HMCN1: variants seen among roughly 807,000 people sequenced by gnomAD.
HMCN1 encodes hemicentin 1, also known as hemicentin-1.
Under a neutral mutation model 625.9 loss-of-function variants are expected in HMCN1, and 321 were observed. That is an observed-to-expected ratio of 0.51 (90% CI 0.47 to 0.56). HMCN1 has a LOEUF of 0.56. Among genes scored for constraint, HMCN1 ranks in the 20% least tolerant of loss-of-function variants. The pLI, the probability that HMCN1 is intolerant of heterozygous loss-of-function variation, is 0.00. For missense variants in HMCN1, 6,588 were observed against 6,887.3 expected, an observed-to-expected ratio of 0.96 and a Z score of 1.54; for synonymous variants, 2,425 against 2,417.6, an observed-to-expected ratio of 1.00 and a Z score of -0.09.
chr1:185,920,948 T>C (rs540574718), intron 6 of HMCN1, among the ~76,000 whole-genome samples: 1 of 152,180 alleles, frequency 6.6e-6, no homozygotes, highest in Non-Finnish European at 1.5e-5. Flanking sequence ...ATGAAATTAG[T>C]AGGTGATAGT....
intron 4 of HMCN1, among the ~76,000 whole-genome samples, chr1:185,877,875 C>G (rs1201307266): frequency 1.3e-5 from 2 of 151,872 alleles, no homozygotes; most frequent in East Asian, 3.9e-4. Context: ...TTTTCCTAAT[C>G]CTCTCCCTGC....
chr1:186,056,805 C>A (rs1432073319), intron 45 of HMCN1, among the ~76,000 whole-genome samples: 1 of 151,784 alleles, frequency 6.6e-6, no homozygotes. Flanking sequence ...ATGCTTACCA[C>A]CTACGTGACA....
At chr1:186,127,195 G>A (rs1206821244) in intron 82 of HMCN1, among the ~76,000 whole-genome samples, 2 of 152,028 alleles carry the variant, frequency 1.3e-5, no homozygotes, top group South Asian at 2.1e-4. Context: ...GGAAGGAATC[G>A]GGAGGTCAGT....
intron 52 of HMCN1, among the ~76,000 whole-genome samples, chr1:186,071,213 T>C (rs1313075138): frequency 6.6e-6 from 1 of 152,214 alleles, no homozygotes; most frequent in African/African-American, 2.4e-5. Context: ...ACATGGGTAC[T>C]AAATTTACTA....
At chr1:186,130,124 AATTTAT>A (rs1558245763) in intron 84 of HMCN1, 24 bp downstream of exon 84, 6 of 1,612,634 alleles carry the variant, frequency 3.7e-6, no homozygotes, top group Non-Finnish European at 5.1e-6. Flanking sequence ...CTCCATTTTT[AATTTAT>A]AATGCATTCA....
At chr1:186,044,400 C>A (rs564772074) in intron 40 of HMCN1, among the ~76,000 whole-genome samples, 10 of 152,142 alleles carry the variant, frequency 6.6e-5, no homozygotes, top group Admixed American at 4.6e-4. Flanking sequence ...TCCTGCACCC[C>A]AAAACAGTGC....
intron 25 of HMCN1, among the ~76,000 whole-genome samples, chr1:185,999,731 A>G (rs1339981322): frequency 6.6e-6 from 1 of 152,072 alleles, no homozygotes; most frequent in Non-Finnish European, 1.5e-5. Context: ...TAGGATTAAT[A>G]TAGTTCCTGC....
intron 11 of HMCN1, among the ~76,000 whole-genome samples, chr1:185,949,158 T>C (rs1485782591): frequency 6.6e-6 from 1 of 151,818 alleles, no homozygotes; most frequent in Non-Finnish European, 1.5e-5. Flanking sequence ...GAGTGGCAGT[T>C]TGGGGATAGC....
intron 6 of HMCN1, 149 bp from the exon 7 acceptor site, chr1:185,922,230 C>G (rs552070766): frequency 1.2e-6 from 1 of 852,354 alleles, no homozygotes; most frequent in Admixed American, 1.8e-5. Flanking sequence ...ATATAGAATC[C>G]TAGTTATGTT....
rs1667101424 is a variant in HMCN1, at chr1:185,923,486, A to G, written c.1118A>G (p.Lys373Arg). 1 of 1,611,212 alleles carries G rather than the reference A, an allele frequency of 6.2e-7. No individual in the cohort carries two copies. The highest frequency in any genetic ancestry group is 1.7e-4 in the Middle Eastern group (1 of 6,052). Residue 373 changes from lysine to arginine, a missense_variant, in exon 8 of 107, where the codon AAG (lysine) becomes AGG (arginine). Coordinates refer to ENST00000271588, the MANE Select transcript of HMCN1 (RefSeq NM_031935.3). Reference protein sequence around the residue: ...ELLSISGSSLKTIPVKYYPHR... With the variant: ...ELLSISGSSLRTIPVKYYPHR... ...TTGAGTATCTCAGGAAGTTCTCTTA[A>G]GACTATTCCTGTTAAATATTACCCA...
In HMCN1 at chr1:186,045,869, G is replaced by A; in HGVS notation, c.6480+6G>A. On this transcript the variant is annotated splice_donor_region_variant and intron_variant, in intron 41 of 106. Coordinates refer to ENST00000271588, the MANE Select transcript of HMCN1 (RefSeq NM_031935.3). The stretch of plus-strand genomic sequence containing the variant: ...AAAATAGAAGTGTGTTAAAGGTAAG[G>A]ATATGGATTCATTTATTTTACCTTA... 6.3e-7 allele frequency: 1 copy of A among 1,594,090 alleles called. No homozygotes were observed. Among genetic ancestry groups the A allele is most frequent in the Non-Finnish European group, 8.6e-7 (1 of 1,162,152 alleles).
At chr1:186,186,215 A>C (rs1025541052) in intron 105 of HMCN1, among the ~76,000 whole-genome samples, 1 of 152,222 alleles carries the variant, frequency 6.6e-6, no homozygotes, top group Non-Finnish European at 1.5e-5. Context: ...CTGTTCAAAC[A>C]AAAATGTTAG....
intron 36 of HMCN1, among the ~76,000 whole-genome samples, chr1:186,024,176 C>T (rs1215637986): frequency 6.6e-6 from 1 of 152,158 alleles, no homozygotes; most frequent in East Asian, 1.9e-4. Context: ...TATTCTTTCA[C>T]TGGATCGTTA....
At chr1:185,754,189 A>T (rs1654992549) in intron 1 of HMCN1, among the ~76,000 whole-genome samples, 1 of 152,210 alleles carries the variant, frequency 6.6e-6, no homozygotes, top group Admixed American at 6.5e-5. Context: ...ACATGTTTTA[A>T]CTTATATGTA....
chr1:185,893,830 T>C lies in HMCN1; in HGVS notation c.622-15507T>C, dbSNP rs192484145. On this transcript the variant is annotated intron_variant, in intron 4 of 106. Transcript: ENST00000271588. ...AGAAAAGTGCACATAAGCATACAGC[T>C]TAATACATTTTCACAAACTCAACAT... Among the ~76,000 whole-genome samples the C allele has an allele frequency of 2.7e-3, 415 of 152,268 alleles. 5 individuals are homozygous for C. The highest frequency in any genetic ancestry group is 2.3e-3 in the Non-Finnish European group (158 of 68,024).
At chr1:186,098,715 C>T (rs1660255333) in intron 68 of HMCN1, among the ~76,000 whole-genome samples, 1 of 151,944 alleles carries the variant, frequency 6.6e-6, no homozygotes, top group Non-Finnish European at 1.5e-5. Context: ...ATCAGTATGT[C>T]AAATAAATCC....
At chr1:185,964,459 C>A (rs1268263372) in intron 13 of HMCN1, among the ~76,000 whole-genome samples, 3 of 152,014 alleles carry the variant, frequency 2.0e-5, no homozygotes, top group Non-Finnish European at 2.9e-5. Flanking sequence ...AGCAGTCCAC[C>A]CTTTCATTCA....
At chr1:185,896,474 G>A (rs1364839012) in intron 4 of HMCN1, among the ~76,000 whole-genome samples, 1 of 152,090 alleles carries the variant, frequency 6.6e-6, no homozygotes, top group Non-Finnish European at 1.5e-5. Context: ...ATAATTATTT[G>A]CAGGTAGTAC....
At chr1:185,752,520 A>T in intron 1 of HMCN1, among the ~76,000 whole-genome samples, 1 of 152,078 alleles carries the variant, frequency 6.6e-6, no homozygotes, top group South Asian at 2.1e-4. Context: ...CTATTTCTTT[A>T]AAAGGAAATT....
Sources: allele counts gnomAD v4.1 joint callset (sites outside exome capture counted in the v4.1 genomes callset), GRCh38; gene constraint gnomAD v4.1.1; transcripts MANE v1.5; gene names NCBI Gene and HGNC (gene_info 2026-07-23, HGNC 2026-07-21).